The following NAA25 variants were observed in gnomAD, a reference collection of about 807,000 sequenced individuals.
NAA25 encodes N-alpha-acetyltransferase 25, NatB auxiliary subunit.
A neutral mutation model predicts 132.5 loss-of-function variants in NAA25; 30 were observed. The ratio of observed to expected loss-of-function variants is 0.23; its 90% CI spans 0.17 to 0.31. The LOEUF (loss-of-function observed/expected upper bound fraction) is 0.31. Among genes scored for constraint, NAA25 ranks in the 10% least tolerant of loss-of-function variants. NAA25 has a pLI of 1.00. For missense variants in NAA25, 771 were observed against 1,150.4 expected, an observed-to-expected ratio of 0.67 and a Z score of 4.77; for synonymous variants, 359 against 401.9, an observed-to-expected ratio of 0.89 and a Z score of 1.28.
intron 23 of NAA25, among the ~76,000 whole-genome samples, chr12:112,030,796 C>T (rs1017709436): frequency 6.6e-5 from 10 of 152,112 alleles, no homozygotes; most frequent in Non-Finnish European, 1.0e-4. Flanking sequence ...ACATTTCACT[C>T]GGTAACATAT....
chr12:112,073,261 TACACAC>T lies in NAA25; in HGVS notation c.867-1203_867-1198del, dbSNP rs34053629. 6.0e-3 allele frequency among the ~76,000 whole-genome samples: 887 copies of T among 148,778 alleles called. 10 individuals carry two copies. Among genetic ancestry groups the T allele is most frequent in the African/African-American group, 0.021 (840 of 40,578 alleles). On this transcript the variant is annotated intron_variant, in intron 9 of 23. Transcript: ENST00000261745. Reference sequence around the variant, plus strand: ...AAAAAAACAAAAATTAAAAATTAAATACACACACACACACACACACACACATATATT... The same window carrying T: ...AAAAAAACAAAAATTAAAAATTAAATACACACACACACACACACATATATT...
chr12:112,074,874 A>T, intron 8 of NAA25, 110 bp from the exon 9 acceptor site: 1 of 701,796 alleles, frequency 1.4e-6, no homozygotes, highest in South Asian at 2.3e-5. Flanking sequence ...AGTATGTAGT[A>T]GGTTGGCTTA....
intron 23 of NAA25, among the ~76,000 whole-genome samples, chr12:112,030,209 T>TC: frequency 5.5e-5 from 1 of 18,298 alleles, no homozygotes; most frequent in Non-Finnish European, 1.2e-4. Flanking sequence ...TAAAGCTGTC[T>TC]CAAAAAAAAA....
At chr12:112,066,571 G>T (rs2078722149) in intron 11 of NAA25, among the ~76,000 whole-genome samples, 5 of 152,132 alleles carry the variant, frequency 3.3e-5, no homozygotes. Flanking sequence ...GACCTTGACA[G>T]ACCAAACCTC....
chr12:112,042,057 A>G lies in NAA25; in HGVS notation c.2422T>C (p.Leu808=). 6.7e-7 allele frequency: 1 copy of G among 1,485,924 alleles called. No individual in the cohort carries two copies. Among genetic ancestry groups the G allele is most frequent in the Non-Finnish European group, 8.9e-7 (1 of 1,119,428 alleles). 92.0% of individuals were successfully genotyped at this position (1,485,924 alleles called of 1,614,324 possible). ...QERIENSFKS[L]LDQLKDVFSK... The stretch of plus-strand genomic sequence containing the variant: ...AACTTACCTTTTAACTGGTCTAGTA[A>G]AGACTTAAAACTATTTTCTATTCGT... The change falls in exon 20 of 24, where the codon TTA becomes CTA. Residue 808 remains leucine, a synonymous_variant. Coordinates refer to ENST00000261745, the MANE Select transcript of NAA25 (RefSeq NM_024953.4).
intron 1 of NAA25, among the ~76,000 whole-genome samples, chr12:112,101,952 C>T (rs1466754030): frequency 6.6e-6 from 1 of 151,280 alleles, no homozygotes; most frequent in Non-Finnish European, 1.5e-5. Flanking sequence ...CTGCATCCTC[C>T]ACCTCCTGGG....
At chr12:112,034,900 T>C (rs552161480) in intron 22 of NAA25, 6 of 152,052 alleles carry the variant, frequency 3.9e-5, no homozygotes, top group Non-Finnish European at 8.8e-5. Flanking sequence ...ATATTTATAA[T>C]ATTCAAAAAT....
At chr12:112,105,848 G>T (rs578218569) in intron 1 of NAA25, among the ~76,000 whole-genome samples, 1 of 152,298 alleles carries the variant, frequency 6.6e-6, no homozygotes, top group South Asian at 2.1e-4. Context: ...GCTTCAGTTT[G>T]ATCACAATAA....
At chr12:112,108,136 C>T (rs569737407) in intron 1 of NAA25, among the ~76,000 whole-genome samples, 1 of 152,314 alleles carries the variant, frequency 6.6e-6, no homozygotes, top group African/African-American at 2.4e-5. Context: ...ACCAGAGTAG[C>T]TGCTTCTCCA....
chr12:112,085,931 C>T lies in NAA25; in HGVS notation c.402+1752G>A, dbSNP rs867368500. ...ACTTGAGAGGCTGAGGCAGAAGAAT[C>T]GCTTGAACCCGGGAGGTGGAGGTTG... On this transcript the variant is annotated intron_variant, in intron 4 of 23. Transcript: ENST00000261745. Among the ~76,000 whole-genome samples the T allele has an allele frequency of 4.5e-5, 6 of 133,476 alleles. No individual in the cohort carries two copies. The South Asian group carries it at 7.8e-4, about 17-fold the overall frequency. 87.6% of individuals were successfully genotyped at this position (133,476 alleles called of 152,430 possible).
chr12:112,039,083 G>C (rs2078266224), intron 22 of NAA25, 146 bp downstream of exon 22: 1 of 461,766 alleles, frequency 2.2e-6, no homozygotes. Flanking sequence ...ACGGGTTTGC[G>C]ACGCATTCAA....
rs1420843193 is a variant in NAA25, at chr12:112,040,451, A to T, written c.2538+30T>A. On this transcript the variant is annotated intron_variant, in intron 21 of 23. Transcript: ENST00000261745. ...ATCCTGTAGACCATTAAGAACAACA[A>T]TGTCTTTTAGGAAGAGAACAAAAAC... 4 of 1,334,454 alleles carry T rather than the reference A, an allele frequency of 3.0e-6. No homozygotes were observed. The Middle Eastern group carries it at 5.5e-4, about 182-fold the overall frequency. 82.7% of individuals were successfully genotyped at this position (1,334,454 alleles called of 1,614,324 possible). A position where few individuals can be genotyped will look rare whatever the true frequency, so the allele number is the denominator to read the frequency against.
chr12:112,074,876 G>T (rs2078873348), intron 8 of NAA25, 112 bp from the exon 9 acceptor site: 1 of 686,700 alleles, frequency 1.5e-6, no homozygotes, highest in Non-Finnish European at 2.4e-6. Flanking sequence ...TATGTAGTAG[G>T]TTGGCTTACC....
At chr12:112,077,256 T>A (rs767797273) in intron 7 of NAA25, among the ~76,000 whole-genome samples, 1 of 151,904 alleles carries the variant, frequency 6.6e-6, no homozygotes, top group Non-Finnish European at 1.5e-5. Flanking sequence ...GCAGATCACT[T>A]GAGGTTAGGA....
intron 13 of NAA25, among the ~76,000 whole-genome samples, chr12:112,057,218 C>A (rs376417657): frequency 1.3e-4 from 20 of 151,928 alleles, no homozygotes; most frequent in Non-Finnish European, 1.8e-4. Flanking sequence ...AATAAAATAA[C>A]ATAAAATAAA....
At chr12:112,077,517 T>C (rs2078911175) in intron 7 of NAA25, among the ~76,000 whole-genome samples, 1 of 149,796 alleles carries the variant, frequency 6.7e-6, no homozygotes, top group Admixed American at 6.7e-5. Context: ...AGTGTGGTGG[T>C]GTGTGCCCGT....
Position 112,043,122 on chromosome 12 carries a change from G to A in NAA25, c.2340C>T (p.Val780=), listed in dbSNP as rs749657843. The part of the protein sequence containing the change: ...SQCQISSFYL[V]NDIYELDTSG... ...TGGTATCCAGCTCATAAATATCATT[G>A]ACAAGATAAAAAGAGCTTATCTGGC... Residue 780 remains valine, a synonymous_variant, in exon 19 of 24, where the codon GTC becomes GTT. Coordinates refer to ENST00000261745, the MANE Select transcript of NAA25 (RefSeq NM_024953.4). 3 of 1,612,432 alleles carry A rather than the reference G, an allele frequency of 1.9e-6. No individual in the cohort carries two copies. The East Asian group carries it at 6.7e-5, about 36-fold the overall frequency.
intron 4 of NAA25, among the ~76,000 whole-genome samples, chr12:112,082,458 T>C (rs1333729422): frequency 6.6e-6 from 1 of 150,936 alleles, no homozygotes; most frequent in Admixed American, 6.6e-5. Flanking sequence ...TGGTCCCAGC[T>C]ACTGGCAAGA....
Position 112,077,131 on chromosome 12 carries a change from A to C in NAA25, c.664+1057T>G, listed in dbSNP as rs185565918. ...AGTTATTAAAGGAGTGAGGTAGTGA[A>C]CTTTATCTCTAGGAAATACTATTTA... On this transcript the variant is annotated intron_variant, in intron 7 of 23. Transcript: ENST00000261745. 3.8e-3 allele frequency among the ~76,000 whole-genome samples: 571 copies of C among 152,196 alleles called. 28 individuals are homozygous for C. Among genetic ancestry groups the C allele is most frequent in the Admixed American group, 0.032 (492 of 15,262 alleles).
Sources: gnomAD v4.1 joint callset for allele counts (sites outside exome capture counted in the v4.1 genomes callset) on GRCh38, gnomAD v4.1.1 for gene constraint, MANE v1.5 for transcripts, NCBI Gene and HGNC (gene_info 2026-07-23, HGNC 2026-07-21) for gene names.